S100A16: variants seen among roughly 807,000 people sequenced by gnomAD.
S100A16 encodes the protein protein S100-A16.
Under a neutral mutation model 9.0 loss-of-function variants are expected in S100A16, and 8 were observed. That is an observed-to-expected ratio of 0.89 (90% CI 0.52 to 1.60). The LOEUF (loss-of-function observed/expected upper bound fraction) is 1.60. S100A16 is among the 40% of genes most tolerant of loss of function. S100A16 has a pLI of 0.00. For missense variants in S100A16, 138 were observed against 132.4 expected (o/e 1.04, Z -0.21); for synonymous variants, 51 against 51.4 (o/e 0.99, Z 0.04).
rs1022967468 is a variant in S100A16 at position 153,613,131 on chromosome 1, C to T, written c.-206G>A. 2 of 152,344 alleles carry T rather than the reference C, an allele frequency of 1.3e-5. No individual in the cohort carries two copies. The highest frequency in any genetic ancestry group is 1.3e-4 in the Admixed American group (2 of 15,276). 9.4% of individuals were successfully genotyped at this position (152,344 alleles called of 1,614,324 possible). Reference sequence around the variant, plus strand: ...TCGGTGGGGAGATAGTGGCTGAGCTCCTTCTTGACTTGGCCCTGGGGTTGG... The same window carrying T: ...TCGGTGGGGAGATAGTGGCTGAGCTTCTTCTTGACTTGGCCCTGGGGTTGG... On this transcript the variant is annotated 5_prime_UTR_variant, in exon 1 of 3. Coordinates refer to ENST00000368706, the MANE Select transcript of S100A16 (RefSeq NM_080388.3).
intron 1 of S100A16, 141 bp from the exon 2 acceptor site, chr1:153,608,318 C>G (rs1193229627): frequency 5.9e-6 from 4 of 677,258 alleles, no homozygotes; most frequent in African/African-American, 1.8e-5. Context: ...AAAAGGGGAA[C>G]AGAGTGGGTG....
rs746493198 is a variant in S100A16, at chr1:153,607,130, G to T, written c.*404C>A. 13 of 455,478 alleles carry T rather than the reference G, an allele frequency of 2.9e-5. No homozygotes were observed. The highest frequency in any genetic ancestry group is 4.4e-5 in the Non-Finnish European group (10 of 227,390). 28.2% of individuals were successfully genotyped at this position (455,478 alleles called of 1,614,324 possible). A position where few individuals can be genotyped will look rare whatever the true frequency, so the allele number is the denominator to read the frequency against. The stretch of plus-strand genomic sequence containing the variant: ...TGCTGCTGCTGCTGCTGCTGTTGCT[G>T]CTACCACTGCCACCAAGAGCAGGGA... On this transcript the variant is annotated 3_prime_UTR_variant, in exon 3 of 3. Transcript: ENST00000368706.
At chr1:153,611,712 A>C (rs1157039008) in intron 1 of S100A16, among the ~76,000 whole-genome samples, 1 of 152,090 alleles carries the variant, frequency 6.6e-6, no homozygotes, top group Non-Finnish European at 1.5e-5. Flanking sequence ...CTGGGCTGAC[A>C]ATGCCACCTC....
chr1:153,610,750 A>T (rs535572602), intron 1 of S100A16, among the ~76,000 whole-genome samples: 1 of 152,088 alleles, frequency 6.6e-6, no homozygotes, highest in African/African-American at 2.4e-5. Context: ...GCAGGCAGGG[A>T]TCGTTATCCT....
At chr1:153,612,133 TCAA>T (rs1666850831) in intron 1 of S100A16, among the ~76,000 whole-genome samples, 1 of 150,298 alleles carries the variant, frequency 6.7e-6, no homozygotes, top group Non-Finnish European at 1.5e-5. Context: ...TACCCCAGCC[TCAA>T]CAACACTTAC....
intron 1 of S100A16, chr1:153,608,924 C>T: frequency 1.0e-6 from 1 of 986,010 alleles, no homozygotes; most frequent in Non-Finnish European, 1.2e-6. Flanking sequence ...AGCCCAGTTA[C>T]AGCCCAGCTG....
intron 1 of S100A16, among the ~76,000 whole-genome samples, chr1:153,608,708 C>T (rs1177955873): frequency 6.6e-6 from 1 of 152,222 alleles, no homozygotes; most frequent in Admixed American, 6.5e-5. Flanking sequence ...TTGCCGGGCT[C>T]CAGGACAGTG....
rs1374509726 is a variant in S100A16, at chr1:153,607,676, T to A, written c.170A>T (p.Lys57Met). The A allele has an allele frequency of 6.2e-7, 1 of 1,614,182 alleles. No individual in the cohort carries two copies. Among genetic ancestry groups the A allele is most frequent in the South Asian group, 1.1e-5 (1 of 91,086 alleles). The change falls in exon 3 of 3, where the codon AAG (lysine) becomes ATG (methionine). Residue 57 changes from lysine (K) to methionine (M), a missense_variant. Transcript: ENST00000368706. Reference sequence around the variant, plus strand: ...GTTCTGGATGAGCTTATCCGCAGCCTTCCGGTTCCCTGTGTCCTGGGGAGG... The same window carrying A: ...GTTCTGGATGAGCTTATCCGCAGCCATCCGGTTCCCTGTGTCCTGGGGAGG... Reference protein sequence around the residue: ...NHMLSDTGNRKAADKLIQNLD... With the variant: ...NHMLSDTGNRMAADKLIQNLD...
At chr1:153,612,458 G>A (rs922735709) in intron 1 of S100A16, among the ~76,000 whole-genome samples, 1 of 150,178 alleles carries the variant, frequency 6.7e-6, no homozygotes, top group Non-Finnish European at 1.5e-5. Flanking sequence ...AGGTAGAGGG[G>A]ACGCCACCTC....
At position 153,609,904 on chromosome 1, in the gene S100A16, C is replaced by T. The variant is rs141625245; in HGVS notation, c.-26-1727G>A. On this transcript the variant is annotated intron_variant, in intron 1 of 2. Transcript: ENST00000368706. The stretch of plus-strand genomic sequence containing the variant: ...GAGAGGAAGAGTCAGGCTGCGGCTT[C>T]TCTGAAGGGAAATCCTGCCCTTGTC... 1.5e-3 allele frequency among the ~76,000 whole-genome samples: 235 copies of T among 152,306 alleles called. 1 individual carries two copies. Among genetic ancestry groups the T allele is most frequent in the Non-Finnish European group, 2.5e-3 (173 of 68,034 alleles).
chr1:153,612,766 C>T (rs1346842057), intron 1 of S100A16, among the ~76,000 whole-genome samples, 186 bp downstream of exon 1: 1 of 151,638 alleles, frequency 6.6e-6, no homozygotes, highest in African/African-American at 2.4e-5. Context: ...CAGCCCCCAA[C>T]CCCCCAGGAC....
chr1:153,607,116 CTGCTGCTGT>C lies in S100A16; in HGVS notation c.*409_*417del, dbSNP rs1274888411. ...GTCTCTGCTGCTGCTGCTGCTGCTG[CTGCTGCTGT>C]TGCTGCTACCACTGCCACCAAGAGC... On this transcript the variant is annotated 3_prime_UTR_variant, in exon 3 of 3. Transcript: ENST00000368706. The C allele has an allele frequency of 4.4e-6, 2 of 453,522 alleles. No homozygotes were observed. Among genetic ancestry groups the C allele is most frequent in the Non-Finnish European group, 8.8e-6 (2 of 226,166 alleles). 28.1% of individuals were successfully genotyped at this position (453,522 alleles called of 1,614,324 possible).
At chr1:153,608,893 C>G in intron 1 of S100A16, 17 of 984,870 alleles carry the variant, frequency 1.7e-5, no homozygotes, top group Non-Finnish European at 2.1e-5. Flanking sequence ...ACCCACACAT[C>G]GTTACCTAAG....
In S100A16 at chr1:153,607,291, T is replaced by C. The variant is rs1183160476; in HGVS notation, c.*243A>G. On this transcript the variant is annotated 3_prime_UTR_variant, in exon 3 of 3. Coordinates refer to ENST00000368706, the MANE Select transcript of S100A16 (RefSeq NM_080388.3). ...AAACTCTTAGGGTCCCCAGACAGCATTGAGATCTCACAGAGGGGCCCCAAG... is the reference window on the plus strand; with the variant it reads ...AAACTCTTAGGGTCCCCAGACAGCACTGAGATCTCACAGAGGGGCCCCAAG... 4.8e-5 allele frequency: 28 copies of C among 583,098 alleles called. No homozygotes were observed. The highest frequency in any genetic ancestry group is 3.3e-4 in the South Asian group (16 of 48,826). 36.1% of individuals were successfully genotyped at this position (583,098 alleles called of 1,614,324 possible).
chr1:153,610,850 C>T (rs570037232), intron 1 of S100A16, among the ~76,000 whole-genome samples: 78 of 151,748 alleles, frequency 5.1e-4, no homozygotes, highest in Admixed American at 1.4e-3. Flanking sequence ...TGCCCCATTC[C>T]CCCACCAGCC....
chr1:153,609,468 G>C (rs1024385419), intron 1 of S100A16: 1 of 587,296 alleles, frequency 1.7e-6, no homozygotes. Flanking sequence ...GACTCCCACA[G>C]ACGTGTCTGT....
At position 153,608,176 on chromosome 1, in the gene S100A16, G is replaced by T. The variant is rs750436102; in HGVS notation, c.-25C>A. 9 of 1,610,516 alleles carry T rather than the reference G, an allele frequency of 5.6e-6. No homozygotes were observed. In the East Asian group the frequency reaches 1.6e-4, roughly 28 times the overall value. On this transcript the variant is annotated splice_region_variant and 5_prime_UTR_variant, in exon 2 of 3. Coordinates refer to ENST00000368706, the MANE Select transcript of S100A16 (RefSeq NM_080388.3). ...TCTCCCTGCTTCGCCTGCTGGCGGGGCCTGGACACCAGGAGGAGGGGAGAT... is the reference window on the plus strand; with the variant it reads ...TCTCCCTGCTTCGCCTGCTGGCGGGTCCTGGACACCAGGAGGAGGGGAGAT...
intron 1 of S100A16, among the ~76,000 whole-genome samples, chr1:153,612,222 G>T (rs1437974672): frequency 6.6e-6 from 1 of 152,110 alleles, no homozygotes; most frequent in Non-Finnish European, 1.5e-5. Flanking sequence ...CTGGGCAGGG[G>T]AAGGCTCCCA....
chr1:153,608,363 C>T, intron 1 of S100A16, 186 bp from the exon 2 acceptor site: 1 of 581,220 alleles, frequency 1.7e-6, no homozygotes, highest in South Asian at 2.1e-5. Flanking sequence ...AACTATGCGG[C>T]TCCTCTAATC....
Sources: allele counts gnomAD v4.1 joint callset (sites outside exome capture counted in the v4.1 genomes callset), GRCh38; gene constraint gnomAD v4.1.1; transcripts MANE v1.5; gene names NCBI Gene and HGNC (gene_info 2026-07-23, HGNC 2026-07-21).